The following PABPC4L variants were observed in gnomAD, a reference collection of about 807,000 sequenced individuals.
PABPC4L encodes the protein poly(A) binding protein cytoplasmic 4 like.
For synonymous variants in PABPC4L, 169 were observed against 164.1 expected, an observed-to-expected ratio of 1.03 and a Z score of -0.23; for missense variants, 452 against 451.4, an observed-to-expected ratio of 1.00 and a Z score of -0.01.
the PABPC4L span, among the ~76,000 whole-genome samples, chr4:134,094,859 G>C: frequency 1.3e-5 from 2 of 151,596 alleles, no homozygotes; most frequent in African/African-American, 4.8e-5. Flanking sequence ...TTGCTTATGA[G>C]AAAAATAATA....
the PABPC4L span, among the ~76,000 whole-genome samples, chr4:134,135,809 G>A: frequency 4.4e-4 from 67 of 151,802 alleles, no homozygotes; most frequent in Non-Finnish European, 8.5e-4. Context: ...CTCCAGCCTG[G>A]GCAACAAGAG....
At chr4:133,951,907 T>A in the PABPC4L span, among the ~76,000 whole-genome samples, 1 of 152,302 alleles carries the variant, frequency 6.6e-6, no homozygotes, top group African/African-American at 2.4e-5. Flanking sequence ...CAGAGTTCTC[T>A]CTTTGTCTTA....
At chr4:134,073,348 G>A in the PABPC4L span, among the ~76,000 whole-genome samples, 1 of 152,170 alleles carries the variant, frequency 6.6e-6, no homozygotes, top group East Asian at 1.9e-4. Context: ...GTTCCAAAAT[G>A]ATCTCCTTTG....
the PABPC4L span, among the ~76,000 whole-genome samples, chr4:134,155,646 C>T: frequency 6.6e-6 from 1 of 151,824 alleles, no homozygotes; most frequent in African/African-American, 2.4e-5. Flanking sequence ...ATTTAAAACC[C>T]AAAGTTATTA....
the PABPC4L span, among the ~76,000 whole-genome samples, chr4:134,145,678 T>C: frequency 0.67 from 102,079 of 151,652 alleles, 35,320 homozygotes; most frequent in East Asian, 1. Context: ...AGTTTTTCAT[T>C]TGGTCTCTGA....
chr4:134,133,125 TC>T, the PABPC4L span, among the ~76,000 whole-genome samples: 45 of 17,244 alleles, frequency 2.6e-3, no homozygotes, highest in African/African-American at 0.025. Flanking sequence ...ATATAATATA[TC>T]ATATTACATA....
At chr4:133,994,495 C>T in the PABPC4L span, among the ~76,000 whole-genome samples, 2 of 152,078 alleles carry the variant, frequency 1.3e-5, no homozygotes, top group Non-Finnish European at 2.9e-5. Context: ...TTAGGGGATG[C>T]GTGCTTTGCT....
the PABPC4L span, among the ~76,000 whole-genome samples, chr4:134,098,192 G>T: frequency 2.0e-5 from 3 of 151,724 alleles, no homozygotes; most frequent in African/African-American, 7.2e-5. Flanking sequence ...AACTGTATTT[G>T]TCTACTGTCA....
the PABPC4L span, among the ~76,000 whole-genome samples, chr4:134,024,856 A>T: frequency 6.8e-6 from 1 of 147,236 alleles, no homozygotes; most frequent in Non-Finnish European, 1.5e-5. Context: ...TGCAGACTTG[A>T]ACTCCTAGGC....
the PABPC4L span, among the ~76,000 whole-genome samples, chr4:134,111,087 T>A: frequency 6.6e-6 from 1 of 152,002 alleles, no homozygotes; most frequent in Non-Finnish European, 1.5e-5. Flanking sequence ...GTGCCAGTAG[T>A]TTCAGTTATC....
chr4:134,022,276 G>A, the PABPC4L span, among the ~76,000 whole-genome samples: 2 of 152,030 alleles, frequency 1.3e-5, no homozygotes, highest in East Asian at 1.9e-4. Flanking sequence ...TCATATACTC[G>A]GTACTCAAAT....
chr4:134,073,315 T>C, the PABPC4L span, among the ~76,000 whole-genome samples: 1 of 152,160 alleles, frequency 6.6e-6, no homozygotes, highest in African/African-American at 2.4e-5. Flanking sequence ...AAAAATCTAA[T>C]AGGTCACCCA....
At chr4:134,159,544 T>C in the PABPC4L span, among the ~76,000 whole-genome samples, 1 of 152,072 alleles carries the variant, frequency 6.6e-6, no homozygotes, top group South Asian at 2.1e-4. Context: ...TACCCTATCA[T>C]AGGGCAGAAT....
chr4:134,112,893 G>A, the PABPC4L span, among the ~76,000 whole-genome samples: 1 of 151,830 alleles, frequency 6.6e-6, no homozygotes, highest in Non-Finnish European at 1.5e-5. Context: ...AGCTCAATGC[G>A]TGTTACTGCT....
chr4:134,184,015 G>C, the PABPC4L span, among the ~76,000 whole-genome samples: 14 of 151,592 alleles, frequency 9.2e-5, no homozygotes, highest in Non-Finnish European at 1.6e-4. Context: ...ATATTCATAG[G>C]GCCAAGAATA....
At chr4:134,149,473 C>T in the PABPC4L span, among the ~76,000 whole-genome samples, 1 of 152,240 alleles carries the variant, frequency 6.6e-6, no homozygotes, top group African/African-American at 2.4e-5. Context: ...GTTTACTAAT[C>T]GTTGCCCATT....
At chr4:134,165,230 A>C in the PABPC4L span, among the ~76,000 whole-genome samples, 5 of 152,204 alleles carry the variant, frequency 3.3e-5, no homozygotes, top group Non-Finnish European at 5.9e-5. Context: ...CTAGGCAAAG[A>C]AATTATGACT....
chr4:134,014,844 C>G, the PABPC4L span, among the ~76,000 whole-genome samples: 1 of 152,008 alleles, frequency 6.6e-6, no homozygotes, highest in South Asian at 2.1e-4. Context: ...GCTTATAAAC[C>G]TCTTAAAACT....
the PABPC4L span, among the ~76,000 whole-genome samples, chr4:134,189,873 T>C: frequency 6.6e-6 from 1 of 152,122 alleles, no homozygotes; most frequent in South Asian, 2.1e-4. Context: ...CCCCCTAGGT[T>C]AGGCTCTGGG....
Sources: gnomAD v4.1 joint callset for allele counts (sites outside exome capture counted in the v4.1 genomes callset) on GRCh38, gnomAD v4.1.1 for gene constraint, MANE v1.5 for transcripts, NCBI Gene and HGNC (gene_info 2026-07-23, HGNC 2026-07-21) for gene names.